The following ITPRIP variants were observed in gnomAD, a reference collection of about 807,000 sequenced individuals.
ITPRIP encodes the protein inositol 1,4,5-trisphosphate receptor-interacting protein.
In ITPRIP, 32 loss-of-function variants were observed where a neutral mutation model predicts 35.8. That is an observed-to-expected ratio of 0.89 (90% CI 0.68 to 1.20). The LOEUF is 1.20. ITPRIP is among the 50% of genes most tolerant of loss of function. The pLI is 0.00. For synonymous variants in ITPRIP, 358 were observed against 324.0 expected, an observed-to-expected ratio of 1.11 and a Z score of -1.13; for missense variants, 653 against 735.6, an observed-to-expected ratio of 0.89 and a Z score of 1.30.
chr10:104,334,124 C>T (rs552076895), intron 1 of ITPRIP, among the ~76,000 whole-genome samples: 5 of 152,322 alleles, frequency 3.3e-5, no homozygotes, highest in Admixed American at 3.3e-4. Flanking sequence ...AAAGCCCGTG[C>T]AGTCACACCG....
chr10:104,318,259 A>T (rs1197370635), intron 1 of ITPRIP, among the ~76,000 whole-genome samples: 1 of 152,206 alleles, frequency 6.6e-6, no homozygotes, highest in Non-Finnish European at 1.5e-5. Context: ...CCAAGGCATA[A>T]CTAACTGCGA....
In ITPRIP at chr10:104,315,875, C is replaced by G. The variant is rs931213012; in HGVS notation, c.177G>C (p.Val59=). Residue 59 remains valine, a synonymous_variant, in exon 2 of 2, where the codon GTG becomes GTC. Transcript: ENST00000337478. The surrounding 1 kb of genome is among the most constrained non-coding windows in gnomAD (Gnocchi z 5.7). ...QLEQLRLEEE[V]ARLAAEKEAL... ...CCTCCTTTTCGGCCGCCAGCCGAGC[C>G]ACCTCCTCCTCCAGGCGCAACTGCT... is the stretch of plus-strand genomic sequence containing the variant. 6.2e-7 allele frequency: 1 copy of G among 1,613,448 alleles called. No individual in the cohort carries two copies. Among genetic ancestry groups the G allele is most frequent in the Non-Finnish European group, 8.5e-7 (1 of 1,179,718 alleles).
At position 104,313,758 on chromosome 10, in the gene ITPRIP, T is replaced by C. The variant is rs898425156; in HGVS notation, c.*650A>G. 4 of 985,360 alleles carry C rather than the reference T, an allele frequency of 4.1e-6. No individual in the cohort carries two copies. The Admixed American group carries it at 1.8e-4, about 45-fold the overall frequency. The allele number at this position is 985,360 out of a possible 1,614,324, so 61.0% of individuals were successfully genotyped here. A position where few individuals can be genotyped will look rare whatever the true frequency, so the allele number is the denominator to read the frequency against. Reference sequence around the variant, plus strand: ...GTAGCTGAAAAAGTGGCTAATTGTGTTTCTCTATGCCACCAAGTACCCATT... The same window carrying C: ...GTAGCTGAAAAAGTGGCTAATTGTGCTTCTCTATGCCACCAAGTACCCATT... On this transcript the variant is annotated 3_prime_UTR_variant, in exon 2 of 2. Transcript: ENST00000337478.
rs1336345512 is a variant in ITPRIP, at chr10:104,315,350, G to A, written c.702C>T (p.Pro234=). 1.9e-6 allele frequency: 3 copies of A among 1,563,090 alleles called. No homozygotes were observed. Among genetic ancestry groups the A allele is most frequent in the Admixed American group, 1.8e-5 (1 of 56,122 alleles). The change falls in exon 2 of 2, where the codon CCC becomes CCT. Residue 234 remains proline, a synonymous_variant. Coordinates refer to ENST00000337478, the MANE Select transcript of ITPRIP (RefSeq NM_001272013.2). The surrounding 1 kb of genome is among the most constrained non-coding windows in gnomAD (Gnocchi z 5.7). ...TCTGGCCGTAGCCCTGGCGATCCAG[G>A]GGCACTGAGCGGCCGGAGCACCAGA... ...PELWCSGRSV[P]LDRQGYGQIK...
chr10:104,325,326 G>A (rs1444289178), intron 1 of ITPRIP, among the ~76,000 whole-genome samples: 1 of 152,112 alleles, frequency 6.6e-6, no homozygotes, highest in Admixed American at 6.5e-5. Flanking sequence ...CCTAACCCAG[G>A]ACTCTCCTTA....
At chr10:104,327,552 T>G (rs555467505) in intron 1 of ITPRIP, among the ~76,000 whole-genome samples, 13 of 152,110 alleles carry the variant, frequency 8.5e-5, no homozygotes, top group African/African-American at 3.1e-4. Context: ...CATCTCAGAC[T>G]CCACCTCCAA....
chr10:104,319,702 G>C (rs1454010823), intron 1 of ITPRIP, among the ~76,000 whole-genome samples: 1 of 152,102 alleles, frequency 6.6e-6, no homozygotes, highest in Non-Finnish European at 1.5e-5. Flanking sequence ...ATGGGGTTCA[G>C]TTTGAAGCCT....
rs374698797 is a variant in ITPRIP, at chr10:104,328,041, C to T, written c.-14+10205G>A. 2.6e-5 allele frequency among the ~76,000 whole-genome samples: 4 copies of T among 152,208 alleles called. No individual in the cohort carries two copies. Among genetic ancestry groups the T allele is most frequent in the African/African-American group, 9.7e-5 (4 of 41,448 alleles). On this transcript the variant is annotated intron_variant, in intron 1 of 1. Coordinates refer to ENST00000337478, the MANE Select transcript of ITPRIP (RefSeq NM_001272013.2). This position sits in a 1 kb window ranked among gnomAD's most constrained non-coding sequence, Gnocchi z 4.1. The stretch of plus-strand genomic sequence containing the variant: ...CTGCGCTCCGTGCTAAGGACACACA[C>T]TATCCTGGGGGCCCACAGCTCACAC...
chr10:104,319,069 C>G (rs570837080), intron 1 of ITPRIP, among the ~76,000 whole-genome samples: 1 of 152,364 alleles, frequency 6.6e-6, no homozygotes, highest in East Asian at 1.9e-4. Flanking sequence ...ACCAGGGAAA[C>G]AGGGCACCAG....
In ITPRIP at chr10:104,328,921, GTTC is replaced by G. The variant is rs1184577563; in HGVS notation, c.-14+9322_-14+9324del. On this transcript the variant is annotated intron_variant, in intron 1 of 1. Coordinates refer to ENST00000337478, the MANE Select transcript of ITPRIP (RefSeq NM_001272013.2). This position sits in a 1 kb window ranked among gnomAD's most constrained non-coding sequence, Gnocchi z 4.1. ...CACACAGTGAAAGAAATCCCAGACTGTTCTTCTACCCGAGTCCCCCTGCGGCTT... is the reference window on the plus strand; with the variant it reads ...CACACAGTGAAAGAAATCCCAGACTGTTCTACCCGAGTCCCCCTGCGGCTT... 3 of 152,066 alleles carry G rather than the reference GTTC, an allele frequency of 2.0e-5. No individual in the cohort carries two copies. The highest frequency in any genetic ancestry group is 7.3e-5 in the African/African-American group (3 of 41,360). 9.4% of individuals were successfully genotyped at this position (152,066 alleles called of 1,614,324 possible).
chr10:104,334,049 A>T (rs1381985892), intron 1 of ITPRIP: 2 of 152,182 alleles, frequency 1.3e-5, no homozygotes, highest in Non-Finnish European at 2.9e-5. Flanking sequence ...GCACCTGCCC[A>T]ACTACTGAGA....
intron 1 of ITPRIP, among the ~76,000 whole-genome samples, chr10:104,336,493 T>TGG (rs2014235606): frequency 9.2e-6 from 1 of 108,118 alleles, no homozygotes; most frequent in Non-Finnish European, 1.8e-5. Flanking sequence ...TTATTTTTTT[T>TGG]TGGGGGGGGG....
Position 104,312,905 on chromosome 10 carries a change from G to A in ITPRIP, c.*1503C>T. On this transcript the variant is annotated 3_prime_UTR_variant, in exon 2 of 2. Coordinates refer to ENST00000337478, the MANE Select transcript of ITPRIP (RefSeq NM_001272013.2). Reference sequence around the variant, plus strand: ...TTCTTGACTCCCTGGCCCCCTGCAAGGGTAACTGAAGTAACGGTGAGATAG... The same window carrying A: ...TTCTTGACTCCCTGGCCCCCTGCAAAGGTAACTGAAGTAACGGTGAGATAG... 1.0e-6 allele frequency: 1 copy of A among 985,428 alleles called. No homozygotes were observed. Among genetic ancestry groups the A allele is most frequent in the Non-Finnish European group, 1.2e-6 (1 of 829,932 alleles). 61.0% of individuals were successfully genotyped at this position (985,428 alleles called of 1,614,324 possible). A position where few individuals can be genotyped will look rare whatever the true frequency, so the allele number is the denominator to read the frequency against.
In ITPRIP at chr10:104,314,541, CGGAAGAGGT is replaced by C; in HGVS notation, c.1502_1510del (p.Asn501_Phe503del). 6.2e-7 allele frequency: 1 copy of C among 1,614,128 alleles called. No individual in the cohort carries two copies. Among genetic ancestry groups the C allele is most frequent in the South Asian group, 1.1e-5 (1 of 91,080 alleles). On this transcript the variant is annotated inframe_deletion, in exon 2 of 2. Transcript: ENST00000337478. ...AAGGCTTCGCTGCAGGACGAAGGGC[CGGAAGAGGT>C]TGAGGGGCTCGGCCCTGAGCACGGC...
rs534857315 is a variant in ITPRIP at position 104,328,025 on chromosome 10, G to C, written c.-14+10221C>G. On this transcript the variant is annotated intron_variant, in intron 1 of 1. Transcript: ENST00000337478. The surrounding 1 kb of genome is among the most constrained non-coding windows in gnomAD (Gnocchi z 4.1). The stretch of plus-strand genomic sequence containing the variant: ...AGCAACTGGCATAGACCTGCGCTCC[G>C]TGCTAAGGACACACACTATCCTGGG... 6.6e-6 allele frequency among the ~76,000 whole-genome samples: 1 copy of C among 152,148 alleles called. No homozygotes were observed. Among genetic ancestry groups the C allele is most frequent in the African/African-American group, 2.4e-5 (1 of 41,426 alleles).
rs1264844314 is a variant in ITPRIP, at chr10:104,314,529, A to G, written c.1523T>C (p.Leu508Pro). ...TGTCTTACGGTAAAGGCTTCGCTGCAGGACGAAGGGCCGGAAGAGGTTGAG... is the reference window on the plus strand; with the variant it reads ...TGTCTTACGGTAAAGGCTTCGCTGCGGGACGAAGGGCCGGAAGAGGTTGAG... ...EPLNLFRPFV[L>P]QRSLYRKTLD... Residue 508 changes from leucine (L) to proline (P), a missense_variant, in exon 2 of 2, where the codon CTG (leucine) becomes CCG (proline). Coordinates refer to ENST00000337478, the MANE Select transcript of ITPRIP (RefSeq NM_001272013.2). 5.6e-6 allele frequency: 9 copies of G among 1,614,064 alleles called. No individual in the cohort carries two copies. The highest frequency in any genetic ancestry group is 7.6e-6 in the Non-Finnish European group (9 of 1,180,048).
In ITPRIP at chr10:104,313,877, A is replaced by G. The variant is rs991165642; in HGVS notation, c.*531T>C. 22 of 985,986 alleles carry G rather than the reference A, an allele frequency of 2.2e-5. No homozygotes were observed. The highest frequency in any genetic ancestry group is 2.6e-5 in the Non-Finnish European group (22 of 830,372). 61.1% of individuals were successfully genotyped at this position (985,986 alleles called of 1,614,324 possible). ...AAAAAGTGGCAGCCATGGTGGGACCACTATTGTGCAGGATGCGGATCAAAG... is the reference window on the plus strand; with the variant it reads ...AAAAAGTGGCAGCCATGGTGGGACCGCTATTGTGCAGGATGCGGATCAAAG... On this transcript the variant is annotated 3_prime_UTR_variant, in exon 2 of 2. Coordinates refer to ENST00000337478, the MANE Select transcript of ITPRIP (RefSeq NM_001272013.2).
Position 104,315,797 on chromosome 10 carries a change from G to T in ITPRIP, c.255C>A (p.Ala85=). Reference sequence around the variant, plus strand: ...TGCAGAGGGTGCTCCAGAGGTCCCAGGCCACGCGTGTCTCGTTCTGCTGCC... The same window carrying T: ...TGCAGAGGGTGCTCCAGAGGTCCCATGCCACGCGTGTCTCGTTCTGCTGCC... ...EGRQQNETRV[A]WDLWSTLCMI... The change falls in exon 2 of 2, where the codon GCC becomes GCA. Residue 85 remains alanine, a synonymous_variant. Transcript: ENST00000337478. The surrounding 1 kb of genome is among the most constrained non-coding windows in gnomAD (Gnocchi z 5.7). 6.2e-7 allele frequency: 1 copy of T among 1,613,878 alleles called. No individual in the cohort carries two copies. The highest frequency in any genetic ancestry group is 8.5e-7 in the Non-Finnish European group (1 of 1,179,936).
intron 1 of ITPRIP, among the ~76,000 whole-genome samples, chr10:104,335,024 G>C (rs1035107395): frequency 6.6e-6 from 1 of 152,316 alleles, no homozygotes; most frequent in African/African-American, 2.4e-5. Context: ...TTGGGTTTCT[G>C]AGCGGGCACA....
Sources: gnomAD v4.1 joint callset for allele counts (sites outside exome capture counted in the v4.1 genomes callset) on GRCh38, gnomAD v4.1.1 for gene constraint, Gnocchi (gnomAD v3.1) non-coding constraint, MANE v1.5 for transcripts, NCBI Gene and HGNC (gene_info 2026-07-23, HGNC 2026-07-21) for gene names.